Variants in PARVB observed in about 807,000 individuals in gnomAD.
PARVB encodes the protein beta-parvin.
In PARVB, 46 loss-of-function variants were observed where a neutral mutation model predicts 47.0. The observed-to-expected ratio is 0.98, with a 90% CI of 0.77 to 1.25. The LOEUF (loss-of-function observed/expected upper bound fraction) is 1.25. PARVB is among the 50% of genes most tolerant of loss of function. The pLI is 0.00. For synonymous variants in PARVB, 196 were observed against 196.3 expected (o/e 1.00, Z 0.01); for missense variants, 473 against 471.6 (o/e 1.00, Z -0.03).
chr22:44,069,129 T>C (rs1834594519), intron 1 of PARVB: 1 of 1,612,590 alleles, frequency 6.2e-7, no homozygotes, highest in Admixed American at 1.7e-5. Flanking sequence ...TGTGCTGGTC[T>C]GCAGAGCTGC....
chr22:44,148,591 C>T (rs969414480), intron 9 of PARVB: 1 of 157,982 alleles, frequency 6.3e-6, no homozygotes, highest in Non-Finnish European at 1.4e-5. Context: ...CATTTCAACC[C>T]ATGGTGCAGG....
intron 6 of PARVB, among the ~76,000 whole-genome samples, chr22:44,134,808 A>T (rs1385815003): frequency 2.0e-5 from 3 of 152,164 alleles, no homozygotes; most frequent in Non-Finnish European, 4.4e-5. Flanking sequence ...CTTTGGGCTG[A>T]TCACTTGCTT....
intron 1 of PARVB, among the ~76,000 whole-genome samples, chr22:44,071,458 G>A (rs2051652828): frequency 6.6e-6 from 1 of 152,184 alleles, no homozygotes; most frequent in African/African-American, 2.4e-5. Flanking sequence ...ACCCACGAAA[G>A]GAGGAGGTCT....
chr22:44,136,939 T>C (rs1239252196), intron 7 of PARVB, among the ~76,000 whole-genome samples: 1 of 152,202 alleles, frequency 6.6e-6, no homozygotes, highest in Non-Finnish European at 1.5e-5. Context: ...CCATCTGTTA[T>C]CTCCTAGAGA....
In PARVB at chr22:44,038,830, G is replaced by A. The variant is rs559620414; in HGVS notation, c.112+14379G>A. The stretch of plus-strand genomic sequence containing the variant: ...AAAAGCTGGACCTGGTCAAGCCATC[G>A]AGTGGGAGAAAATGTTTGCAAAACA... On this transcript the variant is annotated intron_variant, in intron 1 of 12. Coordinates refer to ENST00000338758, the MANE Select transcript of PARVB (RefSeq NM_013327.5). 9.2e-5 allele frequency among the ~76,000 whole-genome samples: 14 copies of A among 152,280 alleles called. No homozygotes were observed. In the South Asian group the frequency reaches 2.9e-3, roughly 32 times the overall value.
intron 1 of PARVB, chr22:43,999,447 A>G (rs1343944023): frequency 5.0e-6 from 8 of 1,593,548 alleles, no homozygotes; most frequent in South Asian, 3.3e-5. Context: ...ATGTTGTTAA[A>G]ATCAGGTTGT....
At chr22:44,045,780 C>T (rs1420605131) in intron 1 of PARVB, among the ~76,000 whole-genome samples, 3 of 152,198 alleles carry the variant, frequency 2.0e-5, no homozygotes. Context: ...TGTTGATCAA[C>T]AGGTCTGTCT....
chr22:44,055,674 CTCTCTATA>C lies in PARVB; in HGVS notation c.112+31225_112+31232del, dbSNP rs1317367224. ...TCTATCCATCTCTCTCTCTCTCTCTCTCTCTATATATATATATATTTGAAGAGATTGAT... is the reference window on the plus strand; with the variant it reads ...TCTATCCATCTCTCTCTCTCTCTCTCTATATATATATTTGAAGAGATTGAT... On this transcript the variant is annotated intron_variant, in intron 1 of 12. Transcript: ENST00000338758. 6.6e-5 allele frequency among the ~76,000 whole-genome samples: 9 copies of C among 137,068 alleles called. No individual in the cohort carries two copies. The South Asian group carries it at 1.5e-3, about 22-fold the overall frequency. 89.9% of individuals were successfully genotyped at this position (137,068 alleles called of 152,430 possible).
intron 11 of PARVB, among the ~76,000 whole-genome samples, chr22:44,161,923 G>A (rs1243739904): frequency 1.3e-5 from 2 of 152,166 alleles, no homozygotes; most frequent in African/African-American, 2.4e-5. Context: ...TGCAGGGTTG[G>A]GGTGTCTGCC....
Position 44,158,097 on chromosome 22 carries a change from C to T in PARVB, c.945+14C>T, listed in dbSNP as rs377270070. The stretch of plus-strand genomic sequence containing the variant: ...TTCGATCAGAAGGTATGTGCATGGT[C>T]TCCATCCTTGGTAGGGGCTCAAGAA... On this transcript the variant is annotated intron_variant, in intron 11 of 12. Coordinates refer to ENST00000338758, the MANE Select transcript of PARVB (RefSeq NM_013327.5). 40 of 1,555,828 alleles carry T rather than the reference C, an allele frequency of 2.6e-5. 1 individual carries two copies. The highest frequency in any genetic ancestry group is 2.0e-4 in the Admixed American group (12 of 59,924).
At position 44,155,550 on chromosome 22, in the gene PARVB, C is replaced by T. The variant is rs115914850; in HGVS notation, c.844-2432C>T. 0.041 allele frequency among the ~76,000 whole-genome samples: 6,205 copies of T among 152,220 alleles called. 371 individuals carry two copies. The highest frequency in any genetic ancestry group is 0.13 in the African/African-American group (5,596 of 41,500). On this transcript the variant is annotated intron_variant, in intron 10 of 12. Coordinates refer to ENST00000338758, the MANE Select transcript of PARVB (RefSeq NM_013327.5). This position sits in a 1 kb window ranked among gnomAD's most constrained non-coding sequence, Gnocchi z 4.8. ...GCAGGCTCAGGGCCTGCGGGAGCAG[C>T]GGCGTGGCCACCCCAGACCTCCTGG...
chr22:44,067,235 G>A (rs1397562342), intron 1 of PARVB, among the ~76,000 whole-genome samples: 2 of 152,244 alleles, frequency 1.3e-5, no homozygotes, highest in African/African-American at 4.8e-5. Flanking sequence ...GTAGGAGGCA[G>A]TCGATGCATA....
chr22:44,091,504 T>C (rs1361049883), intron 1 of PARVB, among the ~76,000 whole-genome samples: 1 of 152,106 alleles, frequency 6.6e-6, no homozygotes, highest in African/African-American at 2.4e-5. Context: ...GCCCCTGGCA[T>C]CCACCAGACT....
At position 44,168,730 on chromosome 22, in the gene PARVB, C is replaced by A. The variant is rs544472319; in HGVS notation, c.*52C>A. Reference sequence around the variant, plus strand: ...GTGTCCCAGCAAGAAAGGCGGCATCCGTCTGTGCCCTGTGCCTTTCCAGGG... The same window carrying A: ...GTGTCCCAGCAAGAAAGGCGGCATCAGTCTGTGCCCTGTGCCTTTCCAGGG... On this transcript the variant is annotated 3_prime_UTR_variant, in exon 13 of 13. Coordinates refer to ENST00000338758, the MANE Select transcript of PARVB (RefSeq NM_013327.5). The A allele has an allele frequency of 1.6e-6, 2 of 1,272,590 alleles. No homozygotes were observed. Among genetic ancestry groups the A allele is most frequent in the East Asian group, 4.6e-5 (2 of 43,264 alleles). 78.8% of individuals were successfully genotyped at this position (1,272,590 alleles called of 1,614,324 possible).
At chr22:44,030,795 C>T (rs528706340) in intron 1 of PARVB, among the ~76,000 whole-genome samples, 10 of 152,178 alleles carry the variant, frequency 6.6e-5, no homozygotes, top group African/African-American at 7.2e-5. Context: ...CTCTTTTGGA[C>T]GATTTTTCAG....
chr22:44,093,892 A>G (rs755351640), intron 1 of PARVB, 36 bp from the exon 2 acceptor site: 24 of 1,434,458 alleles, frequency 1.7e-5, no homozygotes, highest in Non-Finnish European at 2.3e-5. Context: ...CACTCCGTGT[A>G]TACTAACCTG....
chr22:44,120,577 A>G (rs556806910), intron 4 of PARVB, among the ~76,000 whole-genome samples: 1 of 152,260 alleles, frequency 6.6e-6, no homozygotes, highest in Admixed American at 6.5e-5. Flanking sequence ...GCTGCCTGTC[A>G]TTGGTGGTGC....
intron 1 of PARVB, among the ~76,000 whole-genome samples, chr22:44,082,741 C>T (rs1048299953): frequency 1.3e-5 from 2 of 152,160 alleles, no homozygotes; most frequent in Non-Finnish European, 2.9e-5. Context: ...TTCTCCTTCC[C>T]ACAAAGGATT....
At chr22:44,015,069 T>C (rs2146858156) in intron 2 of PARVB, among the ~76,000 whole-genome samples, 1 of 152,010 alleles carries the variant, frequency 6.6e-6, no homozygotes, top group South Asian at 2.1e-4. Context: ...CAGGCTGGTC[T>C]GAAACTCCTG....
Sources: gnomAD v4.1 joint callset for allele counts (sites outside exome capture counted in the v4.1 genomes callset) on GRCh38, gnomAD v4.1.1 for gene constraint, Gnocchi (gnomAD v3.1) non-coding constraint, MANE v1.5 for transcripts, NCBI Gene and HGNC (gene_info 2026-07-23, HGNC 2026-07-21) for gene names.